The following RIMS1 variants were observed in gnomAD, a reference collection of about 807,000 sequenced individuals.
RIMS1 encodes regulating synaptic membrane exocytosis protein 1.
In RIMS1, 83 loss-of-function variants were observed where a neutral mutation model predicts 214.1. The observed-to-expected ratio is 0.39, with a 90% CI of 0.32 to 0.47. RIMS1 has a LOEUF of 0.47. Among genes scored for constraint, RIMS1 ranks in the 20% least tolerant of loss-of-function variants. RIMS1 has a pLI of 0.99. For synonymous variants in RIMS1, 793 were observed against 786.8 expected (o/e 1.01, Z -0.13); for missense variants, 2,050 against 2,161.8 (o/e 0.95, Z 1.03).
intron 4 of RIMS1, among the ~76,000 whole-genome samples, chr6:72,174,453 T>G (rs1452648173): frequency 6.6e-6 from 1 of 152,192 alleles, no homozygotes; most frequent in Non-Finnish European, 1.5e-5. Context: ...ACACAGTGAT[T>G]ATATAAGAGG....
chr6:71,911,653 A>G (rs937553889), intron 1 of RIMS1, among the ~76,000 whole-genome samples: 2 of 152,154 alleles, frequency 1.3e-5, no homozygotes, highest in African/African-American at 2.4e-5. Context: ...TTGTTCTCAC[A>G]AAATCTCATT....
chr6:71,931,251 A>G (rs1400034657), intron 1 of RIMS1, among the ~76,000 whole-genome samples: 1 of 152,002 alleles, frequency 6.6e-6, no homozygotes, highest in Non-Finnish European at 1.5e-5. Context: ...TTACATCCAA[A>G]CTCTAATTTA....
In RIMS1 at chr6:71,920,030, A is replaced by G. The variant is rs544053756; in HGVS notation, c.164+32843A>G. ...AACAGACAATAAAAACACCATAAAC[A>G]TGAGAATATACTCAAATGTACAACT... On this transcript the variant is annotated intron_variant, in intron 1 of 33. Coordinates refer to ENST00000521978, the MANE Select transcript of RIMS1 (RefSeq NM_014989.7). Among the ~76,000 whole-genome samples, 3 of 152,306 alleles carry G rather than the reference A, an allele frequency of 2.0e-5. 1 individual carries two copies. The South Asian group carries it at 6.2e-4, about 32-fold the overall frequency.
rs900912645 is a variant in RIMS1, at chr6:72,289,297, A to G, written c.3555-1382A>G. Among the ~76,000 whole-genome samples the G allele has an allele frequency of 2.1e-4, 32 of 152,332 alleles. 1 individual carries two copies. In the East Asian group the frequency reaches 6.2e-3, roughly 29 times the overall value. On this transcript the variant is annotated intron_variant, in intron 24 of 33. Transcript: ENST00000521978. ...GTCATGATAATGACTTTTAAAGAGT[A>G]ATAGATAAAACTCTCATCACTGGAA...
chr6:72,329,226 T>C (rs1593745171), intron 28 of RIMS1, among the ~76,000 whole-genome samples: 1 of 151,946 alleles, frequency 6.6e-6, no homozygotes, highest in Admixed American at 6.6e-5. Context: ...TTTAAGTGTC[T>C]TTGGTGGGAC....
Position 72,156,879 on chromosome 6 carries a change from G to A in RIMS1, c.472-22696G>A, listed in dbSNP as rs981145049. ...AAACATTTTATTAATTGACATTTAC[G>A]GAAATAATTAAATTTCATGAATGCA... On this transcript the variant is annotated intron_variant, in intron 4 of 33. Transcript: ENST00000521978. Among the ~76,000 whole-genome samples, 51 of 140,442 alleles carry A rather than the reference G, an allele frequency of 3.6e-4. 13 individuals are homozygous for A. Among genetic ancestry groups the A allele is most frequent in the Non-Finnish European group, 1.9e-4 (12 of 61,754 alleles). The allele number at this position is 140,442 out of a possible 152,430, so 92.1% of individuals were successfully genotyped here.
chr6:71,968,934 A>G, intron 1 of RIMS1, 49 bp from the exon 2 acceptor site: 2 of 1,508,886 alleles, frequency 1.3e-6, no homozygotes, highest in Non-Finnish European at 1.8e-6. Context: ...GATGTGTTCT[A>G]CCCTTTTTAT....
chr6:71,911,192 A>C (rs73748939), intron 1 of RIMS1, among the ~76,000 whole-genome samples: 5,400 of 152,170 alleles, frequency 0.035, 317 homozygotes, highest in African/African-American at 0.12. Context: ...TTGTTGGCTT[A>C]TGTTTTAAGG....
chr6:72,016,556 C>G (rs184156947), intron 2 of RIMS1, among the ~76,000 whole-genome samples: 1 of 152,230 alleles, frequency 6.6e-6, no homozygotes, highest in African/African-American at 2.4e-5. Flanking sequence ...AGTATCTTTT[C>G]TTGAATAATT....
chr6:72,175,454 CCT>C, intron 4 of RIMS1: 1 of 324,888 alleles, frequency 3.1e-6, no homozygotes, highest in Non-Finnish European at 6.1e-6. Context: ...GGGTGGATCA[CCT>C]GAGGTCAGGA....
chr6:71,980,701 G>A (rs1267885462), intron 2 of RIMS1, among the ~76,000 whole-genome samples: 1 of 152,030 alleles, frequency 6.6e-6, no homozygotes, highest in African/African-American at 2.4e-5. Flanking sequence ...TGGAGAAAAA[G>A]GGACCAATTA....
Position 72,260,739 on chromosome 6 carries a change from C to T in RIMS1, c.3088C>T (p.Arg1030Ter), listed in dbSNP as rs2077598078. ...TATGCTGCCCAGAGCAAAACGAGGA[C>T]GAAGTGCAGAATGCCTACATACTAC... ...LLMLPRAKRG[R>*]SAECLHTTRH... Residue 1030 changes from arginine to a stop codon, truncating the protein, a stop_gained, in exon 19 of 34, where the codon CGA becomes TGA. Transcript: ENST00000521978. LOFTEE classifies it high-confidence loss of function. The T allele has an allele frequency of 3.7e-6, 6 of 1,612,238 alleles. No homozygotes were observed. Among genetic ancestry groups the T allele is most frequent in the Non-Finnish European group, 5.1e-6 (6 of 1,178,892 alleles).
At chr6:72,259,736 C>T (rs1474045445) in intron 18 of RIMS1, among the ~76,000 whole-genome samples, 1 of 152,102 alleles carries the variant, frequency 6.6e-6, no homozygotes, top group African/African-American at 2.4e-5. Context: ...TGTTGCTCTG[C>T]GTGCCCACAG....
intron 6 of RIMS1, among the ~76,000 whole-genome samples, chr6:72,212,604 T>A (rs1444299012): frequency 6.6e-6 from 1 of 152,226 alleles, no homozygotes; most frequent in African/African-American, 2.4e-5. Flanking sequence ...TATGGGCCAA[T>A]GGCCATTTCA....
chr6:72,155,787 A>T (rs112245512), intron 4 of RIMS1, among the ~76,000 whole-genome samples: 2,218 of 140,406 alleles, frequency 0.016, 420 homozygotes, highest in Non-Finnish European at 0.023. Flanking sequence ...CTCCCATGAC[A>T]TGTGGGAATT....
intron 4 of RIMS1, among the ~76,000 whole-genome samples, chr6:72,164,982 G>A (rs1036977378): frequency 3.3e-5 from 5 of 152,126 alleles, no homozygotes; most frequent in Admixed American, 3.3e-4. Flanking sequence ...TGAATCTGGG[G>A]TGACAATAAC....
At chr6:72,287,065 T>G (rs765068080) in intron 24 of RIMS1, among the ~76,000 whole-genome samples, 1 of 152,220 alleles carries the variant, frequency 6.6e-6, no homozygotes, top group Non-Finnish European at 1.5e-5. Flanking sequence ...TCATGTGAAT[T>G]CACCCTTGAG....
At chr6:72,163,508 G>T (rs1328904634) in intron 4 of RIMS1, among the ~76,000 whole-genome samples, 1 of 140,732 alleles carries the variant, frequency 7.1e-6, no homozygotes, top group Non-Finnish European at 1.6e-5. Flanking sequence ...CCCCACCTTT[G>T]TGGTTTTATC....
chr6:72,112,237 C>G (rs1265182113), intron 4 of RIMS1, among the ~76,000 whole-genome samples: 2 of 152,166 alleles, frequency 1.3e-5, no homozygotes, highest in Non-Finnish European at 2.9e-5. Flanking sequence ...ACCACCTCCA[C>G]TTTCGCCAAA....
Sources: gnomAD v4.1 joint callset for allele counts (sites outside exome capture counted in the v4.1 genomes callset) on GRCh38, gnomAD v4.1.1 for gene constraint, MANE v1.5 for transcripts, NCBI Gene and HGNC (gene_info 2026-07-23, HGNC 2026-07-21) for gene names.